ZNF608: variants seen among roughly 807,000 people sequenced by gnomAD.
ZNF608 encodes the protein zinc finger protein 608.
ZNF608 carries 12 observed loss-of-function variants against 109.0 expected under a neutral mutation model. The ratio of observed to expected loss-of-function variants is 0.11; its 90% CI spans 0.07 to 0.18. The LOEUF is 0.18. Among genes scored for constraint, ZNF608 ranks in the 10% least tolerant of loss-of-function variants. ZNF608 has a pLI of 1.00. For missense variants in ZNF608, 1,707 were observed against 1,879.3 expected (o/e 0.91, Z 1.70); for synonymous variants, 732 against 717.4 (o/e 1.02, Z -0.33).
intron 2 of ZNF608, chr5:124,710,388 A>T (rs771587813): frequency 1.9e-5 from 7 of 371,794 alleles, no homozygotes; most frequent in Non-Finnish European, 3.7e-5. Flanking sequence ...AACTCAAAAC[A>T]TGCTGGTCAT....
rs962297116 is a variant in ZNF608, at chr5:124,637,826, C to A, written c.*74G>T. On this transcript the variant is annotated 3_prime_UTR_variant, in exon 10 of 10. Coordinates refer to ENST00000513986, the MANE Select transcript of ZNF608 (RefSeq NM_020747.3). ...GCCATTAAGGCATTTCAAATTAACACCATGGAACTGATGTCTGTATAAAGC... is the reference window on the plus strand; with the variant it reads ...GCCATTAAGGCATTTCAAATTAACAACATGGAACTGATGTCTGTATAAAGC... The A allele has an allele frequency of 3.9e-6, 6 of 1,520,178 alleles. No individual in the cohort carries two copies. In the African/African-American group the frequency reaches 5.6e-5, roughly 14 times the overall value. 94.2% of individuals were successfully genotyped at this position (1,520,178 alleles called of 1,614,324 possible). A position where few individuals can be genotyped will look rare whatever the true frequency, so the allele number is the denominator to read the frequency against.
intron 2 of ZNF608, among the ~76,000 whole-genome samples, chr5:124,732,602 C>T (rs1748959569): frequency 6.6e-6 from 1 of 151,834 alleles, no homozygotes; most frequent in African/African-American, 2.4e-5. Flanking sequence ...GCTTTTCCCC[C>T]TCCAAAACTG....
intron 3 of ZNF608, among the ~76,000 whole-genome samples, chr5:124,671,695 A>G (rs1258397888): frequency 7.1e-6 from 1 of 141,284 alleles, no homozygotes; most frequent in African/African-American, 2.7e-5. Context: ...CAGTGGCAGG[A>G]TGACATCACA....
At chr5:124,668,558 C>T (rs938953907) in intron 3 of ZNF608, among the ~76,000 whole-genome samples, 2 of 152,108 alleles carry the variant, frequency 1.3e-5, no homozygotes, top group African/African-American at 4.8e-5. Flanking sequence ...AGAGCCCAAA[C>T]CACACTTGGA....
intron 3 of ZNF608, among the ~76,000 whole-genome samples, chr5:124,680,732 T>C (rs7721124): frequency 0.056 from 8,538 of 152,124 alleles, 735 homozygotes; most frequent in African/African-American, 0.19. Flanking sequence ...TTAAAAGCAA[T>C]GCTGACAATA....
At chr5:124,687,475 T>A (rs1466296759) in intron 3 of ZNF608, among the ~76,000 whole-genome samples, 1 of 152,208 alleles carries the variant, frequency 6.6e-6, no homozygotes, top group Non-Finnish European at 1.5e-5. Context: ...TGAATGAATA[T>A]CTATGGGTAT....
rs1278277389 is a variant in ZNF608 at position 124,647,307 on chromosome 5, T to G, written c.3077A>C (p.Gln1026Pro). The G allele has an allele frequency of 6.2e-7, 1 of 1,614,234 alleles. No homozygotes were observed. The highest frequency in any genetic ancestry group is 1.7e-5 in the Admixed American group (1 of 60,034). ...APAAGNSGST[Q>P]GMKIKKESEE... Reference sequence around the variant, plus strand: ...AGACTCCTTCTTGATCTTCATTCCCTGCGTGCTCCCACTATTTCCAGCTGC... The same window carrying G: ...AGACTCCTTCTTGATCTTCATTCCCGGCGTGCTCCCACTATTTCCAGCTGC... Residue 1026 changes from glutamine to proline, a missense_variant, in exon 5 of 10, where the codon CAG becomes CCG. Around this residue, in one of 7 missense-constraint regions of ZNF608, gnomAD observed 1,073 missense variants for 1,133.5 expected, o/e 0.95. Coordinates refer to ENST00000513986, the MANE Select transcript of ZNF608 (RefSeq NM_020747.3).
intron 2 of ZNF608, among the ~76,000 whole-genome samples, chr5:124,726,259 T>C (rs925267683): frequency 2.0e-5 from 3 of 152,116 alleles, no homozygotes; most frequent in African/African-American, 7.2e-5. Flanking sequence ...GTCTTTTCCA[T>C]TGGAACTAAC....
intron 2 of ZNF608, among the ~76,000 whole-genome samples, chr5:124,706,924 C>A (rs1753283741): frequency 6.6e-6 from 1 of 152,104 alleles, no homozygotes; most frequent in Admixed American, 6.6e-5. Context: ...GGAGGGGGAG[C>A]AGGGAGGCTG....
In ZNF608 at chr5:124,649,034, G is replaced by A. The variant is rs1430662662; in HGVS notation, c.1350C>T (p.Ser450=). Reference sequence around the variant, plus strand: ...TCTGCAGCCCTCTGGACTCTGTGAAGCTGGCCTCGGAGCCCGGGGCAGCAG... The same window carrying A: ...TCTGCAGCCCTCTGGACTCTGTGAAACTGGCCTCGGAGCCCGGGGCAGCAG... ...SAAAAPGSEA[S]FTESRGLQNK... Residue 450 remains serine (S), a synonymous_variant, in exon 5 of 10, where the codon AGC becomes AGT. Transcript: ENST00000513986. The A allele has an allele frequency of 6.2e-7, 1 of 1,614,110 alleles. No individual in the cohort carries two copies. The highest frequency in any genetic ancestry group is 8.5e-7 in the Non-Finnish European group (1 of 1,180,004).
chr5:124,737,643 G>A, intron 2 of ZNF608, among the ~76,000 whole-genome samples: 1 of 152,260 alleles, frequency 6.6e-6, no homozygotes, highest in South Asian at 2.1e-4. Context: ...GATCATTTCA[G>A]TTCTTAAGGC....
At chr5:124,740,816 C>CT (rs1432152453) in intron 2 of ZNF608, among the ~76,000 whole-genome samples, 1 of 152,162 alleles carries the variant, frequency 6.6e-6, no homozygotes, top group Non-Finnish European at 1.5e-5. Flanking sequence ...GTATCAGCCA[C>CT]TTTTAGGATT....
chr5:124,746,242 CT>C lies in ZNF608; in HGVS notation c.-232del. The C allele has an allele frequency of 1.3e-5, 13 of 985,400 alleles. No individual in the cohort carries two copies. The highest frequency in any genetic ancestry group is 1.6e-5 in the Non-Finnish European group (13 of 829,944). The allele number at this position is 985,400 out of a possible 1,614,324, so 61.0% of individuals were successfully genotyped here. On this transcript the variant is annotated 5_prime_UTR_variant, in exon 1 of 10. An upstream open reading frame in the 5' UTR loses its in-frame stop. Coordinates refer to ENST00000513986, the MANE Select transcript of ZNF608 (RefSeq NM_020747.3). Reference sequence around the variant, plus strand: ...TAATTAGGCCAGCAAATCAAAATGCCTTTCCCACTCCACTCGGCAAACAAGC... The same window carrying C: ...TAATTAGGCCAGCAAATCAAAATGCCTTCCCACTCCACTCGGCAAACAAGC...
intron 3 of ZNF608, among the ~76,000 whole-genome samples, chr5:124,694,142 ATTTTTTTTTTT>A (rs11320730): frequency 1.6e-5 from 1 of 63,930 alleles, no homozygotes; most frequent in East Asian, 6.3e-4. Context: ...CGCTCGGCTA[ATTTTTTTTTTT>A]TTTTTTTTTT....
intron 2 of ZNF608, among the ~76,000 whole-genome samples, chr5:124,712,318 G>A (rs2149868003): frequency 6.6e-6 from 1 of 152,282 alleles, no homozygotes; most frequent in East Asian, 1.9e-4. Context: ...CTGGGATGGG[G>A]AGGATGGGCA....
intron 3 of ZNF608, among the ~76,000 whole-genome samples, chr5:124,693,972 A>ATTTTTTTTTTTTTTTT (rs1561564262): frequency 4.7e-4 from 11 of 23,294 alleles, no homozygotes; most frequent in South Asian, 1.6e-3. Context: ...CATTTCATTA[A>ATTTTTTTTTTTTTTTT]TCTTTTTTTT....
At chr5:124,733,076 A>G (rs898167160) in intron 2 of ZNF608, among the ~76,000 whole-genome samples, 1 of 151,990 alleles carries the variant, frequency 6.6e-6, no homozygotes, top group Non-Finnish European at 1.5e-5. Context: ...ATCACAAAAC[A>G]TAACACTGGG....
Position 124,648,338 on chromosome 5 carries a change from C to T in ZNF608, c.2046G>A (p.Ala682=), listed in dbSNP as rs772342752. The stretch of plus-strand genomic sequence containing the variant: ...CGTCTGCTGCCGAGCAACTGTCTAA[C>T]GCAGCCGTCATGTTGGAGATTACTG... ...NLPVISNMTA[A]LDSCSAADGS... is the part of the protein sequence containing the mutation. The change falls in exon 5 of 10, where the codon GCG becomes GCA. Residue 682 remains alanine, a synonymous_variant. Coordinates refer to ENST00000513986, the MANE Select transcript of ZNF608 (RefSeq NM_020747.3). The T allele has an allele frequency of 6.8e-6, 11 of 1,614,212 alleles. No individual in the cohort carries two copies. The highest frequency in any genetic ancestry group is 8.5e-6 in the Non-Finnish European group (10 of 1,180,040).
chr5:124,694,142 A>ATTTTTTTTTTTTTTTTT (rs11320730), intron 3 of ZNF608, among the ~76,000 whole-genome samples: 20 of 63,938 alleles, frequency 3.1e-4, no homozygotes, highest in Non-Finnish European at 4.5e-4. Context: ...CGCTCGGCTA[A>ATTTTTTTTTTTTTTTTT]TTTTTTTTTT....
Sources: allele counts gnomAD v4.1 joint callset (sites outside exome capture counted in the v4.1 genomes callset), GRCh38; gene constraint gnomAD v4.1.1; regional missense constraint gnomAD v4.1.1; transcripts MANE v1.5; gene names NCBI Gene and HGNC (gene_info 2026-07-23, HGNC 2026-07-21).